Variants in CUBN observed in about 807,000 individuals in gnomAD.
CUBN encodes cubilin.
A neutral mutation model predicts 405.3 loss-of-function variants in CUBN; 282 were observed. That is an observed-to-expected ratio of 0.70 (90% CI 0.63 to 0.77). The LOEUF is 0.77. Ranked by LOEUF, CUBN falls within the 30% of genes least tolerant of loss-of-function variation. The probability of loss-of-function intolerance (pLI) is 0.00; values close to 1 mark genes in which losing one functional copy is unlikely to be tolerated. For missense variants in CUBN, 4,514 were observed against 4,475.2 expected (o/e 1.01, Z -0.25); for synonymous variants, 1,684 against 1,617.0 (o/e 1.04, Z -0.99).
intron 57 of CUBN, 123 bp downstream of exon 57, chr10:16,876,774 A>T: frequency 3.4e-6 from 3 of 890,948 alleles, no homozygotes; most frequent in Non-Finnish European, 5.4e-6. Context: ...CCTCACTGAC[A>T]ATCTTTTTCC....
At chr10:16,900,971 T>A in intron 52 of CUBN, 121 bp from the exon 53 acceptor site, 1 of 787,402 alleles carries the variant, frequency 1.3e-6, no homozygotes, top group Non-Finnish European at 2.1e-6. Flanking sequence ...GTCTCTTATT[T>A]AATTCTCCCT....
chr10:16,866,420 G>A (rs1371396042), intron 59 of CUBN, among the ~76,000 whole-genome samples: 3 of 152,170 alleles, frequency 2.0e-5, no homozygotes, highest in African/African-American at 7.2e-5. Flanking sequence ...GTCAAGGCAG[G>A]AGACGACCCT....
At chr10:16,843,745 G>C (rs969763439) in intron 60 of CUBN, among the ~76,000 whole-genome samples, 1 of 152,072 alleles carries the variant, frequency 6.6e-6, no homozygotes, top group Admixed American at 6.6e-5. Context: ...AGATCTTCAA[G>C]ACATAAGACC....
Position 17,066,897 on chromosome 10 carries a change from C to T in CUBN, c.3008+1167G>A, listed in dbSNP as rs575579071. Among the ~76,000 whole-genome samples, 163 of 152,150 alleles carry T rather than the reference C, an allele frequency of 1.1e-3. 2 individuals are homozygous for T. The highest frequency in any genetic ancestry group is 3.8e-3 in the African/African-American group (157 of 41,542). On this transcript the variant is annotated intron_variant, in intron 21 of 66. Coordinates refer to ENST00000377833, the MANE Select transcript of CUBN (RefSeq NM_001081.4). ...AAACAACAAAAATCCTGGACAAAAA[C>T]GTATAAAACAATGGCTCTCAAAACA...
chr10:17,039,780 T>G (rs766698028), intron 27 of CUBN, among the ~76,000 whole-genome samples: 8 of 152,182 alleles, frequency 5.3e-5, no homozygotes, highest in Non-Finnish European at 1.0e-4. Context: ...AAACAAAACT[T>G]TCTAATGGGT....
chr10:17,002,183 T>G (rs1349602972), intron 28 of CUBN, among the ~76,000 whole-genome samples: 1 of 152,152 alleles, frequency 6.6e-6, no homozygotes, highest in Admixed American at 6.6e-5. Flanking sequence ...TTGTTCTGAG[T>G]TGGCTTAGAA....
chr10:17,007,498 G>A (rs918678349), intron 28 of CUBN, among the ~76,000 whole-genome samples: 15 of 152,204 alleles, frequency 9.9e-5, no homozygotes, highest in African/African-American at 3.6e-4. Flanking sequence ...ATGAACTGGG[G>A]AAATGAATGA....
At chr10:17,068,344 A>T (rs1835659908) in intron 20 of CUBN, 64 bp from the exon 21 acceptor site, 1 of 1,504,334 alleles carries the variant, frequency 6.6e-7, no homozygotes, top group Admixed American at 1.7e-5. Context: ...TCAAATTAAA[A>T]GGCTCTGATA....
chr10:17,117,624 C>G (rs948074604), intron 6 of CUBN, among the ~76,000 whole-genome samples: 4 of 152,050 alleles, frequency 2.6e-5, no homozygotes, highest in African/African-American at 9.7e-5. Flanking sequence ...GCAGAAGTCT[C>G]TTTTCTAGAG....
intron 28 of CUBN, among the ~76,000 whole-genome samples, chr10:17,013,463 G>T (rs1317943033): frequency 1.3e-5 from 2 of 151,078 alleles, no homozygotes; most frequent in African/African-American, 4.9e-5. Context: ...CTTTCTGCTG[G>T]TCTTTCCCTG....
intron 31 of CUBN, among the ~76,000 whole-genome samples, chr10:16,978,284 T>C (rs1385183530): frequency 2.0e-5 from 3 of 152,168 alleles, no homozygotes; most frequent in Admixed American, 6.5e-5. Flanking sequence ...GAAAAAATGG[T>C]CCCAAAGACT....
rs553668967 is a variant in CUBN at position 16,884,655 on chromosome 10, T to C, written c.8905+3762A>G. 2.0e-5 allele frequency among the ~76,000 whole-genome samples: 3 copies of C among 152,320 alleles called. No individual in the cohort carries two copies. The East Asian group carries it at 5.8e-4, about 29-fold the overall frequency. On this transcript the variant is annotated intron_variant, in intron 56 of 66. Coordinates refer to ENST00000377833, the MANE Select transcript of CUBN (RefSeq NM_001081.4). ...TTGTGGTAAGCGGAAAGTAGGTCACTGAGCCTTTGTAACCTAAGAGTTGAG... is the reference window on the plus strand; with the variant it reads ...TTGTGGTAAGCGGAAAGTAGGTCACCGAGCCTTTGTAACCTAAGAGTTGAG...
chr10:17,079,526 A>T (rs1404535068), intron 17 of CUBN, among the ~76,000 whole-genome samples: 2 of 152,046 alleles, frequency 1.3e-5, no homozygotes, highest in Non-Finnish European at 2.9e-5. Flanking sequence ...GGCATGAGCC[A>T]CCATGCCTGG....
intron 63 of CUBN, among the ~76,000 whole-genome samples, chr10:16,835,571 T>A (rs1054645836): frequency 6.6e-6 from 1 of 151,540 alleles, no homozygotes; most frequent in African/African-American, 2.4e-5. Flanking sequence ...ACAAGGATTT[T>A]AAATCCATTG....
At chr10:17,089,926 G>A (rs922310070) in intron 14 of CUBN, among the ~76,000 whole-genome samples, 10 of 151,934 alleles carry the variant, frequency 6.6e-5, no homozygotes, top group South Asian at 2.1e-4. Context: ...GTTTAAGAAC[G>A]GCCTGGGCAG....
intron 59 of CUBN, among the ~76,000 whole-genome samples, chr10:16,853,526 A>G (rs1839779380): frequency 6.6e-6 from 1 of 152,222 alleles, no homozygotes; most frequent in Non-Finnish European, 1.5e-5. Flanking sequence ...TTTTTGTTAC[A>G]GGCACATTAC....
chr10:17,088,395 T>C (rs762948391), intron 14 of CUBN, 50 bp from the exon 15 acceptor site: 3 of 1,496,692 alleles, frequency 2.0e-6, no homozygotes, highest in Non-Finnish European at 2.8e-6. Context: ...TGCTATAATT[T>C]ATGGAGAATG....
In CUBN at chr10:16,890,436, G is replaced by C; in HGVS notation, c.8690C>G (p.Thr2897Arg). The C allele has an allele frequency of 6.2e-7, 1 of 1,614,126 alleles. No homozygotes were observed. The highest frequency in any genetic ancestry group is 2.2e-5 in the East Asian group (1 of 44,864). ...APGPVITPSN[T>R]FTAVFQSQEA... ...CTGAGACTGGAAGACGGCAGTGAATGTGTTACTTGGTGTGATAACGGGACC... is the reference window on the plus strand; with the variant it reads ...CTGAGACTGGAAGACGGCAGTGAATCTGTTACTTGGTGTGATAACGGGACC... The change falls in exon 55 of 67, where the codon ACA becomes AGA. Residue 2897 changes from threonine (T) to arginine (R), a missense_variant. Transcript: ENST00000377833.
chr10:17,099,401 C>A (rs1836447418), intron 14 of CUBN, among the ~76,000 whole-genome samples: 1 of 152,130 alleles, frequency 6.6e-6, no homozygotes, highest in Non-Finnish European at 1.5e-5. Flanking sequence ...AATATTCCTG[C>A]AGTAAACTAC....
Sources: allele counts gnomAD v4.1 joint callset (sites outside exome capture counted in the v4.1 genomes callset), GRCh38; gene constraint gnomAD v4.1.1; transcripts MANE v1.5; gene names NCBI Gene and HGNC (gene_info 2026-07-23, HGNC 2026-07-21).